Variants in MTMR12 observed in about 807,000 individuals in gnomAD.
The protein encoded by MTMR12 is myotubularin related protein 12, also known as myotubularin-related protein 12.
In MTMR12, 33 loss-of-function variants were observed where a neutral mutation model predicts 96.7. The ratio of observed to expected loss-of-function variants is 0.34; its 90% confidence interval spans 0.26 to 0.46. MTMR12 has a LOEUF of 0.46. Among genes scored for constraint, MTMR12 ranks in the 20% least tolerant of loss-of-function variants. The pLI, the probability that MTMR12 is intolerant of heterozygous loss-of-function variation, is 1.00. For missense variants in MTMR12, 721 were observed against 896.1 expected (o/e 0.80, Z 2.49); for synonymous variants, 298 against 327.2 (o/e 0.91, Z 0.96).
chr5:32,312,750 C>G lies in MTMR12; in HGVS notation c.81+8G>C, dbSNP rs761638533. Reference sequence around the variant, plus strand: ...GCCCGACGCCCCGCCTGCGCGGCGCCCCCTCACCTCAGGGCGTACGTACGA... The same window carrying G: ...GCCCGACGCCCCGCCTGCGCGGCGCGCCCTCACCTCAGGGCGTACGTACGA... On this transcript the variant is annotated splice_region_variant and intron_variant, in intron 1 of 15. Transcript: ENST00000382142. The surrounding 1 kb of genome is among the most constrained non-coding windows in gnomAD (Gnocchi z 5.0). 1 of 1,509,928 alleles carries G rather than the reference C, an allele frequency of 6.6e-7. No homozygotes were observed. Among genetic ancestry groups the G allele is most frequent in the South Asian group, 1.2e-5 (1 of 81,702 alleles). 93.5% of individuals were successfully genotyped at this position (1,509,928 alleles called of 1,614,324 possible).
chr5:32,248,981 T>A lies in MTMR12; in HGVS notation c.790-103A>T, dbSNP rs931971347. The A allele has an allele frequency of 2.1e-5, 18 of 845,036 alleles. No individual in the cohort carries two copies. The African/African-American group carries it at 2.8e-4, about 13-fold the overall frequency. The allele number at this position is 845,036 out of a possible 1,614,324, so 52.3% of individuals were successfully genotyped here. A position where few individuals can be genotyped will look rare whatever the true frequency, so the allele number is the denominator to read the frequency against. On this transcript the variant is annotated intron_variant, in intron 8 of 15. Transcript: ENST00000382142. ...CATACAGGGAAATCTGTAACTTCAG[T>A]ATGAAATGGCTGGACATACTTAACT...
intron 10 of MTMR12, 88 bp downstream of exon 10, chr5:32,247,914 C>G (rs1748764320): frequency 6.6e-7 from 1 of 1,524,896 alleles, no homozygotes; most frequent in Non-Finnish European, 8.9e-7. Context: ...CGTAAGGAAC[C>G]CAGGGAAAAG....
At chr5:32,251,148 C>T (rs1000985120) in intron 8 of MTMR12, among the ~76,000 whole-genome samples, 6 of 150,720 alleles carry the variant, frequency 4.0e-5, no homozygotes, top group South Asian at 2.1e-4. Context: ...CTCCGCCTCC[C>T]GGGTTCACGC....
chr5:32,279,879 A>G (rs1277735856), intron 1 of MTMR12, among the ~76,000 whole-genome samples: 1 of 152,210 alleles, frequency 6.6e-6, no homozygotes, highest in East Asian at 1.9e-4. Flanking sequence ...CACTGATCCC[A>G]CAGGAGGTGG....
intron 1 of MTMR12, among the ~76,000 whole-genome samples, chr5:32,301,884 A>G (rs1327714685): frequency 6.6e-6 from 1 of 152,206 alleles, no homozygotes; most frequent in African/African-American, 2.4e-5. Context: ...CTCAAAAAAT[A>G]ATAATAAAAA....
intron 10 of MTMR12, among the ~76,000 whole-genome samples, chr5:32,245,848 T>C (rs1334454743): frequency 1.3e-5 from 2 of 152,018 alleles, no homozygotes; most frequent in Admixed American, 6.6e-5. Flanking sequence ...AAACCTCTCA[T>C]AAGCAGATGT....
chr5:32,289,568 T>C lies in MTMR12; in HGVS notation c.82-12826A>G, dbSNP rs181286218. The stretch of plus-strand genomic sequence containing the variant: ...ATGGACACTGGTTCTGAGCTGACAA[T>C]GATTCCGGGGTACCCAAAGTGTCAC... On this transcript the variant is annotated intron_variant, in intron 1 of 15. Coordinates refer to ENST00000382142, the MANE Select transcript of MTMR12 (RefSeq NM_001040446.3). Among the ~76,000 whole-genome samples the C allele has an allele frequency of 5.3e-5, 8 of 152,306 alleles. No individual in the cohort carries two copies. In the East Asian group the frequency reaches 1.5e-3, roughly 29 times the overall value.
chr5:32,308,344 C>T (rs1214423676), intron 1 of MTMR12, among the ~76,000 whole-genome samples: 1 of 151,666 alleles, frequency 6.6e-6, no homozygotes, highest in African/African-American at 2.4e-5. Context: ...AAAGAAGCAA[C>T]AGCATGACAT....
intron 1 of MTMR12, among the ~76,000 whole-genome samples, chr5:32,282,471 A>AAAAAT (rs1293823963): frequency 6.6e-6 from 1 of 150,762 alleles, no homozygotes; most frequent in Non-Finnish European, 1.5e-5. Context: ...AAATAAAATA[A>AAAAAT]AAAATAAAAA....
intron 4 of MTMR12, 62 bp downstream of exon 4, chr5:32,271,771 A>G: frequency 1.1e-6 from 1 of 940,084 alleles, no homozygotes; most frequent in Non-Finnish European, 1.5e-6. Flanking sequence ...TAAAAATATT[A>G]TTATCATTAT....
At chr5:32,300,928 A>G (rs139548037) in intron 1 of MTMR12, among the ~76,000 whole-genome samples, 1,759 of 152,214 alleles carry the variant, frequency 0.012, 35 homozygotes, top group African/African-American at 0.041. Context: ...TACAAAAATT[A>G]GCCGGGTGTG....
chr5:32,260,146 TG>T (rs1458010091), intron 7 of MTMR12, among the ~76,000 whole-genome samples: 8 of 150,838 alleles, frequency 5.3e-5, no homozygotes, highest in Non-Finnish European at 1.0e-4. Flanking sequence ...CAGGAGCCTG[TG>T]GGTAAGACCT....
At chr5:32,246,168 C>CGGTTTTTTTTGTTT (rs1316628263) in intron 10 of MTMR12, among the ~76,000 whole-genome samples, 1 of 86,670 alleles carries the variant, frequency 1.2e-5, no homozygotes, top group Non-Finnish European at 2.4e-5. Context: ...ATTGAGTAGA[C>CGGTTTTTTTTGTTT]AGTTTTTTTT....
At chr5:32,248,727 G>C in intron 9 of MTMR12, 45 bp downstream of exon 9, 1 of 1,481,694 alleles carries the variant, frequency 6.7e-7, no homozygotes, top group Non-Finnish European at 9.4e-7. Flanking sequence ...CTGCTTCTTG[G>C]AAAACAAGAA....
rs576675560 is a variant in MTMR12, at chr5:32,274,127, T to C, written c.143-5A>G. ...CTTCACAAAGCAGCTGTTCACCTGG[T>C]AGAAACCAAAACAGGTCCTCCTTAG... On this transcript the variant is annotated splice_region_variant and splice_polypyrimidine_tract_variant and intron_variant, in intron 2 of 15. Coordinates refer to ENST00000382142, the MANE Select transcript of MTMR12 (RefSeq NM_001040446.3). 1 of 1,613,774 alleles carries C rather than the reference T, an allele frequency of 6.2e-7. No homozygotes were observed. Among genetic ancestry groups the C allele is most frequent in the African/African-American group, 1.3e-5 (1 of 74,924 alleles).
chr5:32,276,949 G>A (rs1010657338), intron 1 of MTMR12, among the ~76,000 whole-genome samples: 3 of 117,674 alleles, frequency 2.5e-5, no homozygotes, highest in African/African-American at 3.3e-5. Context: ...GCAGTGGCAC[G>A]ATCTCAGCTC....
chr5:32,302,593 T>G (rs1027990404), intron 1 of MTMR12, among the ~76,000 whole-genome samples: 20 of 152,048 alleles, frequency 1.3e-4, no homozygotes, highest in Admixed American at 1.3e-3. Context: ...GGCACGAGCC[T>G]GTAATCCCAG....
At position 32,229,612 on chromosome 5, in the gene MTMR12, A is replaced by C; in HGVS notation, c.*166T>G. ...GGTTTTAATTGCATAGTCTTTTAGA[A>C]TCATGAAAAATAATGAGAGCCACCT... On this transcript the variant is annotated 3_prime_UTR_variant, in exon 16 of 16. Coordinates refer to ENST00000382142, the MANE Select transcript of MTMR12 (RefSeq NM_001040446.3). 1 of 534,072 alleles carries C rather than the reference A, an allele frequency of 1.9e-6. No individual in the cohort carries two copies. The highest frequency in any genetic ancestry group is 3.2e-5 in the East Asian group (1 of 30,798). The allele number at this position is 534,072 out of a possible 1,614,324, so 33.1% of individuals were successfully genotyped here. A position where few individuals can be genotyped will look rare whatever the true frequency, so the allele number is the denominator to read the frequency against.
chr5:32,253,263 T>G (rs908797519), intron 8 of MTMR12, among the ~76,000 whole-genome samples: 1 of 152,242 alleles, frequency 6.6e-6, no homozygotes, highest in East Asian at 1.9e-4. Flanking sequence ...TAAGAAAGCC[T>G]GTCTTAAAGA....
Sources: allele counts gnomAD v4.1 joint callset (sites outside exome capture counted in the v4.1 genomes callset), GRCh38; gene constraint gnomAD v4.1.1; non-coding constraint Gnocchi (gnomAD v3.1); transcripts MANE v1.5; gene names NCBI Gene and HGNC (gene_info 2026-07-23, HGNC 2026-07-21).